GRIK1: variants seen among roughly 807,000 people sequenced by gnomAD.
GRIK1 encodes the protein glutamate receptor ionotropic, kainate 1.
A neutral mutation model predicts 105.7 loss-of-function variants in GRIK1; 69 were observed. The ratio of observed to expected loss-of-function variants is 0.65; its 90% confidence interval spans 0.54 to 0.80. The LOEUF (loss-of-function observed/expected upper bound fraction) is 0.80. Ranked by LOEUF, GRIK1 falls within the 30% of genes least tolerant of loss-of-function variation. The pLI, the probability that GRIK1 is intolerant of heterozygous loss-of-function variation, is 0.00. For missense variants in GRIK1, 1,109 were observed against 1,167.3 expected (o/e 0.95, Z 0.73); for synonymous variants, 438 against 431.3 (o/e 1.02, Z -0.19).
At chr21:29,749,645 C>A (rs777782360) in intron 1 of GRIK1, among the ~76,000 whole-genome samples, 2 of 152,198 alleles carry the variant, frequency 1.3e-5, no homozygotes, top group Non-Finnish European at 2.9e-5. Context: ...AATGTGAATT[C>A]ATGTGCAGCA....
chr21:29,668,118 A>G (rs1480419752), intron 4 of GRIK1, among the ~76,000 whole-genome samples: 2 of 152,220 alleles, frequency 1.3e-5, no homozygotes, highest in African/African-American at 4.8e-5. Flanking sequence ...TCATTTATTC[A>G]TTCAACAGAG....
chr21:29,633,543 G>T (rs937227545), intron 7 of GRIK1, among the ~76,000 whole-genome samples: 6 of 151,704 alleles, frequency 4.0e-5, no homozygotes, highest in African/African-American at 1.2e-4. Context: ...ATAAATTTCT[G>T]TTCTTTATAA....
At chr21:29,817,816 CAG>C (rs2145914804) in intron 1 of GRIK1, among the ~76,000 whole-genome samples, 1 of 152,208 alleles carries the variant, frequency 6.6e-6, no homozygotes, top group African/African-American at 2.4e-5. Context: ...ATAATAAATA[CAG>C]AGTCATTTAT....
intron 7 of GRIK1, among the ~76,000 whole-genome samples, chr21:29,629,682 G>T (rs374119009): frequency 2.6e-5 from 4 of 152,062 alleles, no homozygotes; most frequent in South Asian, 4.2e-4. Flanking sequence ...GTAGAGACAG[G>T]GTTTCACCGT....
At chr21:29,656,304 T>G (rs2062847347) in intron 4 of GRIK1, among the ~76,000 whole-genome samples, 2 of 122,784 alleles carry the variant, frequency 1.6e-5, no homozygotes, top group South Asian at 5.4e-4. Flanking sequence ...GAGCTTACAG[T>G]GAGCCAAGAT....
At chr21:29,861,772 T>A (rs2068648734) in intron 1 of GRIK1, 2 of 356,188 alleles carry the variant, frequency 5.6e-6, no homozygotes, top group South Asian at 4.4e-5. Context: ...ATTAATTTCT[T>A]TGTAAATCTT....
Position 29,856,823 on chromosome 21 carries a change from T to C in GRIK1, c.118+82560A>G, listed in dbSNP as rs570553950. ...AATCTCAGCACAAAGAACAGGAGGA[T>C]GGAGACGTGGCAGACATAAACACTG... On this transcript the variant is annotated intron_variant, in intron 1 of 17. Transcript: ENST00000327783. Among the ~76,000 whole-genome samples, 26 of 152,202 alleles carry C rather than the reference T, an allele frequency of 1.7e-4. No individual in the cohort carries two copies. In the South Asian group the frequency reaches 5.4e-3, roughly 32 times the overall value.
intron 1 of GRIK1, among the ~76,000 whole-genome samples, chr21:29,903,107 C>T (rs888493755): frequency 6.6e-6 from 1 of 152,166 alleles, no homozygotes; most frequent in Non-Finnish European, 1.5e-5. Context: ...GGACCCCTTC[C>T]TTACACCTTA....
At chr21:29,584,796 C>G (rs556932265) in intron 12 of GRIK1, among the ~76,000 whole-genome samples, 1 of 152,220 alleles carries the variant, frequency 6.6e-6, no homozygotes, top group South Asian at 2.1e-4. Flanking sequence ...AAGGTGGTAA[C>G]TGAGGGTACA....
At chr21:29,567,160 GTTTCC>G (rs2090630242) in intron 14 of GRIK1, among the ~76,000 whole-genome samples, 1 of 152,100 alleles carries the variant, frequency 6.6e-6, no homozygotes, top group Non-Finnish European at 1.5e-5. Context: ...TGTTTATATT[GTTTCC>G]TTTCCTTTAA....
intron 7 of GRIK1, among the ~76,000 whole-genome samples, chr21:29,629,272 G>T (rs548821182): frequency 1.3e-5 from 2 of 151,512 alleles, no homozygotes; most frequent in African/African-American, 4.9e-5. Context: ...TGATGCCTGA[G>T]CTGAGCTGTT....
intron 14 of GRIK1, among the ~76,000 whole-genome samples, chr21:29,575,129 C>T (rs931585256): frequency 2.6e-5 from 4 of 151,966 alleles, no homozygotes; most frequent in Non-Finnish European, 5.9e-5. Flanking sequence ...AAAACAATAC[C>T]TTTTTATTTA....
intron 1 of GRIK1, among the ~76,000 whole-genome samples, chr21:29,769,189 G>A (rs994455877): frequency 2.0e-5 from 3 of 152,108 alleles, no homozygotes; most frequent in Non-Finnish European, 4.4e-5. Flanking sequence ...ATCAGAACCT[G>A]AGAACATGAC....
At chr21:29,900,561 T>C (rs2070362307) in intron 1 of GRIK1, among the ~76,000 whole-genome samples, 1 of 150,692 alleles carries the variant, frequency 6.6e-6, no homozygotes, top group South Asian at 2.1e-4. Flanking sequence ...TACATAATGG[T>C]AAAGGGATCT....
intron 1 of GRIK1, among the ~76,000 whole-genome samples, chr21:29,800,290 T>G (rs555078814): frequency 6.4e-4 from 98 of 152,334 alleles, no homozygotes; most frequent in African/African-American, 2.2e-3. Flanking sequence ...AGGGCTTATC[T>G]CTGAGAACAG....
rs575887087 is a variant in GRIK1 at position 29,580,700 on chromosome 21, A to G, written c.1912+725T>C. Among the ~76,000 whole-genome samples the G allele has an allele frequency of 8.5e-5, 13 of 152,128 alleles. No homozygotes were observed. In the South Asian group the frequency reaches 1.2e-3, roughly 15 times the overall value. ...TTTCTGTGACTTATGATTTTCTTAT[A>G]TTAGTGCATTTAATCCTGGAAAAAT... On this transcript the variant is annotated intron_variant, in intron 13 of 17. Coordinates refer to ENST00000327783, the MANE Select transcript of GRIK1 (RefSeq NM_001330994.2).
chr21:29,767,962 G>A (rs1489910733), intron 1 of GRIK1, among the ~76,000 whole-genome samples: 1 of 151,884 alleles, frequency 6.6e-6, no homozygotes, highest in Non-Finnish European at 1.5e-5. Context: ...TTACTTCCAT[G>A]ACTTGCCTTT....
intron 1 of GRIK1, among the ~76,000 whole-genome samples, chr21:29,866,356 A>T (rs1016041555): frequency 6.6e-6 from 1 of 152,144 alleles, no homozygotes; most frequent in Non-Finnish European, 1.5e-5. Context: ...ATGAGCCACT[A>T]AGCCAGAATT....
At chr21:29,609,786 T>C (rs2061694112) in intron 7 of GRIK1, among the ~76,000 whole-genome samples, 1 of 152,120 alleles carries the variant, frequency 6.6e-6, no homozygotes. Context: ...GGGTCTCCAG[T>C]TTGCAAATGG....
Sources: gnomAD v4.1 joint callset for allele counts (sites outside exome capture counted in the v4.1 genomes callset) on GRCh38, gnomAD v4.1.1 for gene constraint, MANE v1.5 for transcripts, NCBI Gene and HGNC (gene_info 2026-07-23, HGNC 2026-07-21) for gene names.